The following ACOT7 variants were observed in gnomAD, a reference collection of about 807,000 sequenced individuals.
The protein encoded by ACOT7 is cytosolic acyl coenzyme A thioester hydrolase.
ACOT7 carries 12 observed loss-of-function variants against 40.2 expected under a neutral mutation model. The ratio of observed to expected loss-of-function variants is 0.30; its 90% confidence interval spans 0.19 to 0.48. ACOT7 has a LOEUF of 0.48. Among genes scored for constraint, ACOT7 ranks in the 20% least tolerant of loss-of-function variants. ACOT7 has a pLI of 0.99. For synonymous variants in ACOT7, 228 were observed against 219.5 expected (o/e 1.04, Z -0.34); for missense variants, 395 against 530.8 (o/e 0.74, Z 2.51).
chr1:6,319,692 G>A (rs1356244825), intron 5 of ACOT7, among the ~76,000 whole-genome samples: 1 of 152,232 alleles, frequency 6.6e-6, no homozygotes, highest in Admixed American at 6.5e-5. Flanking sequence ...TCAAGTGCCT[G>A]CCTCATCCCT....
intron 8 of ACOT7, among the ~76,000 whole-genome samples, chr1:6,273,128 A>C (rs570672920): frequency 6.6e-6 from 1 of 152,318 alleles, no homozygotes; most frequent in East Asian, 1.9e-4. Context: ...GCATCAGAAG[A>C]GCTACCTACC....
intron 2 of ACOT7, among the ~76,000 whole-genome samples, chr1:6,343,447 C>T (rs1010120502): frequency 2.0e-5 from 3 of 152,260 alleles, no homozygotes; most frequent in African/African-American, 7.2e-5. Flanking sequence ...TGGGGCTGGG[C>T]AAGAAAAGTT....
chr1:6,378,175 T>C (rs1330357756), intron 1 of ACOT7, among the ~76,000 whole-genome samples: 1 of 131,808 alleles, frequency 7.6e-6, no homozygotes, highest in African/African-American at 2.7e-5. Context: ...AGAGCAGCCC[T>C]GGGTGCCCGA....
At chr1:6,322,176 A>C (rs544138597) in intron 5 of ACOT7, among the ~76,000 whole-genome samples, 33 of 135,234 alleles carry the variant, frequency 2.4e-4, no homozygotes, top group Non-Finnish European at 2.3e-4. Flanking sequence ...TGGCTTTGAG[A>C]TCGCGACCCT....
In ACOT7 at chr1:6,294,719, G is replaced by T. The variant is rs1639764283; in HGVS notation, c.829+145C>A. On this transcript the variant is annotated intron_variant, in intron 7 of 8. Transcript: ENST00000361521. This position sits in a 1 kb window ranked among gnomAD's most constrained non-coding sequence, Gnocchi z 4.6. The stretch of plus-strand genomic sequence containing the variant: ...TCAATAAACAGCAAGGACAAAGAAA[G>T]AAACCTCAGCTTCCTGTTCCCTGTG... 1.6e-6 allele frequency: 1 copy of T among 636,612 alleles called. No individual in the cohort carries two copies. The highest frequency in any genetic ancestry group is 2.8e-6 in the Non-Finnish European group (1 of 359,836). The allele number at this position is 636,612 out of a possible 1,614,324, so 39.4% of individuals were successfully genotyped here.
intron 6 of ACOT7, among the ~76,000 whole-genome samples, chr1:6,307,452 C>G (rs182016400): frequency 6.6e-6 from 1 of 152,310 alleles, no homozygotes; most frequent in South Asian, 2.1e-4. Context: ...GAAAGTGTGT[C>G]AGGAGTGATG....
chr1:6,297,365 C>G (rs1387557173), intron 6 of ACOT7, among the ~76,000 whole-genome samples: 2 of 152,126 alleles, frequency 1.3e-5, no homozygotes, highest in African/African-American at 4.8e-5. Context: ...CCTAATAAAC[C>G]CAGAGAGAGG....
In ACOT7 at chr1:6,299,400, C is replaced by T. The variant is rs112819928; in HGVS notation, c.713-4420G>A. ...TGAAATAACTCAGAACACCAGGTAA[C>T]ATGCTGGCTGAGAACCCCACACACT... On this transcript the variant is annotated intron_variant, in intron 6 of 8. Transcript: ENST00000361521. This position sits in a 1 kb window ranked among gnomAD's most constrained non-coding sequence, Gnocchi z 4.1. Among the ~76,000 whole-genome samples the T allele has an allele frequency of 1.3e-5, 2 of 152,334 alleles. No homozygotes were observed. The highest frequency in any genetic ancestry group is 4.8e-5 in the African/African-American group (2 of 41,570).
At position 6,380,608 on chromosome 1, in the gene ACOT7, A is replaced by G. The variant is rs569885104; in HGVS notation, c.143+12649T>C. The stretch of plus-strand genomic sequence containing the variant: ...TCTCAAAAAAAAAAAAAAAACAAGA[A>G]GACGACCTCTCAATGGGGAAAGACA... On this transcript the variant is annotated intron_variant, in intron 1 of 8. Transcript: ENST00000361521. Among the ~76,000 whole-genome samples the G allele has an allele frequency of 3.5e-3, 529 of 150,884 alleles. 7 individuals carry two copies. The highest frequency in any genetic ancestry group is 0.012 in the African/African-American group (507 of 41,162).
At chr1:6,290,443 C>T (rs1557634188) in intron 7 of ACOT7, among the ~76,000 whole-genome samples, 1 of 152,196 alleles carries the variant, frequency 6.6e-6, no homozygotes, top group South Asian at 2.1e-4. Context: ...CAGGGCTGCT[C>T]ACATGAGGGG....
intron 1 of ACOT7, among the ~76,000 whole-genome samples, chr1:6,387,853 A>G (rs1268353648): frequency 6.6e-6 from 1 of 152,188 alleles, no homozygotes; most frequent in Non-Finnish European, 1.5e-5. Context: ...CCCAGCAGCA[A>G]GAGAGCCAGC....
chr1:6,284,506 G>A (rs1328878949), intron 7 of ACOT7, among the ~76,000 whole-genome samples: 1 of 150,444 alleles, frequency 6.6e-6, no homozygotes, highest in Non-Finnish European at 1.5e-5. Flanking sequence ...AACCCGGGAG[G>A]CGCAGGTTGC....
intron 1 of ACOT7, among the ~76,000 whole-genome samples, chr1:6,390,921 G>A (rs762098193): frequency 5.3e-5 from 8 of 152,094 alleles, no homozygotes; most frequent in Admixed American, 2.0e-4. Flanking sequence ...GGGTGACAGA[G>A]CGAGACTGTC....
Position 6,349,822 on chromosome 1 carries a change from C to T in ACOT7, c.188G>A (p.Gly63Glu), listed in dbSNP as rs1218914263. The change falls in exon 2 of 9, where the codon GGG becomes GAG. Residue 63 changes from glycine (G) to glutamate (E), a missense_variant. Coordinates refer to ENST00000361521, the MANE Select transcript of ACOT7 (RefSeq NM_007274.4). ...CTCGATCATCTTCAGGATGGTCCCC[C>T]CGTGGACATTGCCGGCCACGTTGGC... Reference protein sequence around the residue: ...DDANVAGNVHGGTILKMIEEA... With the variant: ...DDANVAGNVHEGTILKMIEEA... The T allele has an allele frequency of 6.2e-7, 1 of 1,614,032 alleles. No homozygotes were observed. Among genetic ancestry groups the T allele is most frequent in the Non-Finnish European group, 8.5e-7 (1 of 1,180,034 alleles).
intron 1 of ACOT7, among the ~76,000 whole-genome samples, chr1:6,386,798 G>C (rs942468546): frequency 6.6e-6 from 1 of 152,296 alleles, no homozygotes; most frequent in Non-Finnish European, 1.5e-5. Context: ...GGTTGGGGCT[G>C]CAGAGAACCA....
At chr1:6,374,085 G>T (rs998738836) in intron 1 of ACOT7, among the ~76,000 whole-genome samples, 3 of 152,146 alleles carry the variant, frequency 2.0e-5, no homozygotes, top group African/African-American at 7.2e-5. Flanking sequence ...TCTACTTGAG[G>T]CACTTACTCT....
chr1:6,373,011 T>C (rs555201257), intron 1 of ACOT7, among the ~76,000 whole-genome samples: 1 of 152,258 alleles, frequency 6.6e-6, no homozygotes, highest in South Asian at 2.1e-4. Flanking sequence ...AGTGGGGCAG[T>C]CAGAACACAT....
chr1:6,276,921 A>C (rs17361642), intron 8 of ACOT7, among the ~76,000 whole-genome samples: 18,078 of 152,118 alleles, frequency 0.12, 1,150 homozygotes, highest in African/African-American at 0.17. Flanking sequence ...CCTCCATTCA[A>C]GCTGGCGCCC....
chr1:6,339,869 AGCTAGGACTACAGGCGCCC>A lies in ACOT7; in HGVS notation c.262-299_262-281del, dbSNP rs951812470. On this transcript the variant is annotated intron_variant, in intron 2 of 8. Transcript: ENST00000361521. ...ATTCTCCTGCCTCAGCCTCCCGAGT[AGCTAGGACTACAGGCGCCC>A]GCTGGGACTACAGCGGGCCTTCCGA... is the stretch of plus-strand genomic sequence containing the variant. 8.0e-5 allele frequency among the ~76,000 whole-genome samples: 12 copies of A among 150,456 alleles called. No homozygotes were observed. In the East Asian group the frequency reaches 1.6e-3, roughly 20 times the overall value.
Sources: gnomAD v4.1 joint callset for allele counts (sites outside exome capture counted in the v4.1 genomes callset) on GRCh38, gnomAD v4.1.1 for gene constraint, Gnocchi (gnomAD v3.1) non-coding constraint, MANE v1.5 for transcripts, NCBI Gene and HGNC (gene_info 2026-07-23, HGNC 2026-07-21) for gene names.